The following ITPKB variants were observed in gnomAD, a reference collection of about 807,000 sequenced individuals.
The protein encoded by ITPKB is IP3 3-kinase B.
Under a neutral mutation model 69.4 loss-of-function variants are expected in ITPKB, and 13 were observed. The ratio of observed to expected loss-of-function variants is 0.19; its 90% CI spans 0.12 to 0.30. ITPKB has a LOEUF of 0.30. ITPKB is among the 10% of genes least tolerant of loss of function. The pLI, the probability that ITPKB is intolerant of heterozygous loss-of-function variation, is 1.00. For synonymous variants in ITPKB, 584 were observed against 513.7 expected, an observed-to-expected ratio of 1.14 and a Z score of -1.85; for missense variants, 1,240 against 1,250.5, an observed-to-expected ratio of 0.99 and a Z score of 0.13.
chr1:226,725,771 A>G (rs1228854405), intron 2 of ITPKB, among the ~76,000 whole-genome samples: 1 of 152,192 alleles, frequency 6.6e-6, no homozygotes, highest in Non-Finnish European at 1.5e-5. Flanking sequence ...ACAGTCTACA[A>G]TGGCCGAGAT....
intron 2 of ITPKB, among the ~76,000 whole-genome samples, chr1:226,668,096 T>C (rs929443042): frequency 1.3e-5 from 2 of 152,180 alleles, no homozygotes; most frequent in African/African-American, 2.4e-5. Context: ...CTTTTTACCA[T>C]GACCATGAGC....
chr1:226,661,325 A>G (rs778090573), intron 2 of ITPKB, among the ~76,000 whole-genome samples: 9 of 152,212 alleles, frequency 5.9e-5, no homozygotes, highest in Non-Finnish European at 1.2e-4. Context: ...AGGGCTGAGT[A>G]TTTGCTATGT....
chr1:226,637,637 C>A lies in ITPKB; in HGVS notation c.2625+42G>T, dbSNP rs371469819. 6.8e-7 allele frequency: 1 copy of A among 1,479,674 alleles called. No homozygotes were observed. The highest frequency in any genetic ancestry group is 1.4e-5 in the African/African-American group (1 of 72,280). The allele number at this position is 1,479,674 out of a possible 1,614,324, so 91.7% of individuals were successfully genotyped here. A position where few individuals can be genotyped will look rare whatever the true frequency, so the allele number is the denominator to read the frequency against. Reference sequence around the variant, plus strand: ...AGGAGAAGGAGAAGGCCTGTTGGCACGCGCAGCATTCTGCTCAAGAGGGCA... The same window carrying A: ...AGGAGAAGGAGAAGGCCTGTTGGCAAGCGCAGCATTCTGCTCAAGAGGGCA... On this transcript the variant is annotated intron_variant, in intron 7 of 7. Transcript: ENST00000429204. The surrounding 1 kb of genome is among the most constrained non-coding windows in gnomAD (Gnocchi z 4.3).
intron 2 of ITPKB, among the ~76,000 whole-genome samples, chr1:226,670,640 A>T (rs1051218524): frequency 6.6e-6 from 1 of 152,258 alleles, no homozygotes; most frequent in African/African-American, 2.4e-5. Context: ...GACTTAGGCT[A>T]AGAAGAAATA....
At chr1:226,721,178 T>C (rs375564625) in intron 2 of ITPKB, among the ~76,000 whole-genome samples, 2 of 144,980 alleles carry the variant, frequency 1.4e-5, no homozygotes, top group East Asian at 4.2e-4. Context: ...ACCCCGTCTC[T>C]ACTAAAAAAA....
At chr1:226,663,233 C>T (rs889806426) in intron 2 of ITPKB, among the ~76,000 whole-genome samples, 1 of 152,202 alleles carries the variant, frequency 6.6e-6, no homozygotes, top group Admixed American at 6.5e-5. Flanking sequence ...TGGGTGCTTA[C>T]TTAGCACTTT....
chr1:226,681,783 C>G (rs761350703), intron 2 of ITPKB, among the ~76,000 whole-genome samples: 3 of 152,118 alleles, frequency 2.0e-5, no homozygotes, highest in Admixed American at 1.3e-4. Context: ...TTTTGGCAAC[C>G]CTGCAAAACA....
chr1:226,725,242 C>G (rs773130481), intron 2 of ITPKB, among the ~76,000 whole-genome samples: 1 of 152,204 alleles, frequency 6.6e-6, no homozygotes, highest in Non-Finnish European at 1.5e-5. Context: ...GGACAGCATC[C>G]GTTAAGCCGT....
intron 2 of ITPKB, among the ~76,000 whole-genome samples, chr1:226,734,048 A>G (rs1274933254): frequency 6.6e-6 from 1 of 152,184 alleles, no homozygotes; most frequent in Non-Finnish European, 1.5e-5. Flanking sequence ...TATTCAGTAG[A>G]CCTCTAACTG....
In ITPKB at chr1:226,736,532, T is replaced by C; in HGVS notation, c.927A>G (p.Arg309=). The stretch of plus-strand genomic sequence containing the variant: ...GACGGTGTGGCCCAGTGGATGTAAC[T>C]CTCGCTGCCACTTCCGTGGCCATCG... ...SLTMATEVAA[R]VTSTGPHRPQ... Residue 309 remains arginine, a synonymous_variant, in exon 2 of 8, where the codon AGA becomes AGG. Coordinates refer to ENST00000429204, the MANE Select transcript of ITPKB (RefSeq NM_002221.4). The C allele has an allele frequency of 6.2e-7, 1 of 1,613,826 alleles. No homozygotes were observed. Among genetic ancestry groups the C allele is most frequent in the Non-Finnish European group, 8.5e-7 (1 of 1,180,018 alleles).
chr1:226,711,740 G>A (rs1656965746), intron 2 of ITPKB, among the ~76,000 whole-genome samples: 1 of 152,182 alleles, frequency 6.6e-6, no homozygotes, highest in African/African-American at 2.4e-5. Flanking sequence ...CCCCTCTGGA[G>A]TTTGAGCTGA....
At chr1:226,693,070 C>G (rs893783921) in intron 2 of ITPKB, among the ~76,000 whole-genome samples, 1 of 152,198 alleles carries the variant, frequency 6.6e-6, no homozygotes, top group Non-Finnish European at 1.5e-5. Flanking sequence ...GCATGTGAGC[C>G]GTGGCTTGGG....
chr1:226,696,230 T>C (rs1353291185), intron 2 of ITPKB, among the ~76,000 whole-genome samples: 3 of 152,186 alleles, frequency 2.0e-5, no homozygotes, highest in Non-Finnish European at 2.9e-5. Flanking sequence ...ATGGGGATAA[T>C]AATATCTATC....
chr1:226,726,655 G>A (rs1054533855), intron 2 of ITPKB, among the ~76,000 whole-genome samples: 14 of 152,066 alleles, frequency 9.2e-5, no homozygotes, highest in Admixed American at 4.6e-4. Context: ...CTGCCTGGGC[G>A]ACAGAGTGAG....
Position 226,641,465 on chromosome 1 carries a change from A to T in ITPKB, c.2451+456T>A, listed in dbSNP as rs1385557243. Among the ~76,000 whole-genome samples, 2 of 152,250 alleles carry T rather than the reference A, an allele frequency of 1.3e-5. No homozygotes were observed. The highest frequency in any genetic ancestry group is 2.9e-5 in the Non-Finnish European group (2 of 68,044). ...ATAAATATTTTAAAATTTCCAAAAA[A>T]AGATCGAAGAGCAAAGCAGAGAGAA... On this transcript the variant is annotated intron_variant, in intron 5 of 7. Transcript: ENST00000429204. The surrounding 1 kb of genome is among the most constrained non-coding windows in gnomAD (Gnocchi z 4.6).
chr1:226,649,986 T>C (rs1669154889), intron 2 of ITPKB, among the ~76,000 whole-genome samples: 1 of 151,962 alleles, frequency 6.6e-6, no homozygotes, highest in Non-Finnish European at 1.5e-5. Flanking sequence ...ATGAGAAGCA[T>C]TGTGAGTTCC....
intron 6 of ITPKB, among the ~76,000 whole-genome samples, chr1:226,638,097 A>T (rs1207924823): frequency 1.3e-5 from 2 of 152,120 alleles, no homozygotes; most frequent in African/African-American, 2.4e-5. Context: ...CTGCCTTGGG[A>T]AGCTCGTCAT....
At chr1:226,669,879 T>C (rs1234258999) in intron 2 of ITPKB, among the ~76,000 whole-genome samples, 1 of 151,186 alleles carries the variant, frequency 6.6e-6, no homozygotes, top group African/African-American at 2.4e-5. Flanking sequence ...TTTTTTTTTG[T>C]TTTTGTTTTT....
intron 2 of ITPKB, among the ~76,000 whole-genome samples, chr1:226,667,653 C>T (rs778670772): frequency 2.0e-5 from 3 of 152,166 alleles, no homozygotes; most frequent in Non-Finnish European, 4.4e-5. Context: ...TCAGTGCTGT[C>T]CCTGGATGCA....
Sources: gnomAD v4.1 joint callset for allele counts (sites outside exome capture counted in the v4.1 genomes callset) on GRCh38, gnomAD v4.1.1 for gene constraint, Gnocchi (gnomAD v3.1) non-coding constraint, MANE v1.5 for transcripts, NCBI Gene and HGNC (gene_info 2026-07-23, HGNC 2026-07-21) for gene names.